ACACA: variants seen among roughly 807,000 people sequenced by gnomAD.
ACACA encodes the protein acetyl-CoA carboxylase alpha, also known as acetyl-CoA carboxylase 1.
In ACACA, 103 loss-of-function variants were observed where a neutral mutation model predicts 296.1. The ratio of observed to expected loss-of-function variants is 0.35; its 90% confidence interval spans 0.30 to 0.41. ACACA has a LOEUF of 0.41. Among genes scored for constraint, ACACA ranks in the 10% least tolerant of loss-of-function variants. The probability of loss-of-function intolerance (pLI) is 1.00; values close to 1 mark genes in which losing one functional copy is unlikely to be tolerated. For missense variants in ACACA, 1,554 were observed against 2,989.7 expected (o/e 0.52, Z 11.20); for synonymous variants, 953 against 1,038.6 (o/e 0.92, Z 1.58).
At chr17:37,153,898 C>T (rs1040601627) in intron 43 of ACACA, among the ~76,000 whole-genome samples, 22 of 152,038 alleles carry the variant, frequency 1.4e-4, no homozygotes, top group African/African-American at 4.3e-4. Context: ...GAAAAACATA[C>T]CCTGTTTCTT....
chr17:37,266,254 A>G (rs966873858), intron 10 of ACACA, among the ~76,000 whole-genome samples: 1 of 151,982 alleles, frequency 6.6e-6, no homozygotes, highest in African/African-American at 2.4e-5. Context: ...TCTCTAGTCA[A>G]AACACAAAAA....
intron 1 of ACACA, among the ~76,000 whole-genome samples, chr17:37,399,082 C>T (rs546931213): frequency 1.3e-3 from 200 of 150,320 alleles, no homozygotes; most frequent in African/African-American, 4.6e-3. Context: ...TGGGTTCAAG[C>T]GATTCTCCTG....
At chr17:37,208,840 A>C (rs1340128561) in intron 30 of ACACA, among the ~76,000 whole-genome samples, 2 of 152,240 alleles carry the variant, frequency 1.3e-5, no homozygotes, top group Non-Finnish European at 2.9e-5. Context: ...GATCTGAAGC[A>C]AGTTCAGGGC....
chr17:37,314,104 CT>C (rs34202919), intron 3 of ACACA, among the ~76,000 whole-genome samples: 155 of 133,966 alleles, frequency 1.2e-3, no homozygotes, highest in Non-Finnish European at 1.0e-3. Flanking sequence ...ACTATATATT[CT>C]TTTTTTTTTT....
chr17:37,161,769 C>G lies in ACACA; in HGVS notation c.5349+12G>C. 6.2e-7 allele frequency: 1 copy of G among 1,608,146 alleles called. No individual in the cohort carries two copies. Among genetic ancestry groups the G allele is most frequent in the South Asian group, 1.1e-5 (1 of 91,086 alleles). On this transcript the variant is annotated intron_variant, in intron 42 of 55. Transcript: ENST00000616317. ...ATAGCACCTTGAAGTAGTATATGCT[C>G]TTAGTGTGTACCTTGTAAGGATCCT... is the stretch of plus-strand genomic sequence containing the variant.
chr17:37,362,070 C>T (rs1597709587), intron 1 of ACACA, among the ~76,000 whole-genome samples: 1 of 152,108 alleles, frequency 6.6e-6, no homozygotes, highest in East Asian at 1.9e-4. Context: ...GACGAGGCGA[C>T]GAGGACACAG....
intron 7 of ACACA, among the ~76,000 whole-genome samples, chr17:37,276,282 A>C (rs1464340990): frequency 1.3e-5 from 2 of 152,170 alleles, no homozygotes; most frequent in Non-Finnish European, 2.9e-5. Context: ...AATATATATA[A>C]ATGTATGCTG....
At chr17:37,121,637 G>C in intron 49 of ACACA, 147 bp from the exon 50 acceptor site, 1 of 1,044,702 alleles carries the variant, frequency 9.6e-7, no homozygotes, top group Non-Finnish European at 1.4e-6. Flanking sequence ...ATCATGTTTG[G>C]AGTAAAAAAG....
chr17:37,317,078 AAAAAAAAG>A (rs202048674), intron 3 of ACACA, among the ~76,000 whole-genome samples: 17,994 of 150,422 alleles, frequency 0.12, 1,569 homozygotes, highest in East Asian at 0.43. Context: ...ACAGAAAAAA[AAAAAAAAG>A]AAAAAAAGAT....
intron 41 of ACACA, among the ~76,000 whole-genome samples, chr17:37,165,536 T>TCTCTC (rs767851212): frequency 2.0e-5 from 3 of 152,144 alleles, no homozygotes; most frequent in Non-Finnish European, 4.4e-5. Context: ...TTTGTCTTTC[T>TCTCTC]CTCTCCTCTC....
At chr17:37,335,587 A>T (rs1010793475) in intron 2 of ACACA, among the ~76,000 whole-genome samples, 29 of 152,244 alleles carry the variant, frequency 1.9e-4, no homozygotes, top group Non-Finnish European at 3.4e-4. Context: ...AGATTTATAC[A>T]ATCATGTCAT....
intron 26 of ACACA, chr17:37,225,388 T>C (rs2079496700): frequency 2.6e-6 from 1 of 384,650 alleles, no homozygotes; most frequent in Non-Finnish European, 4.9e-6. Flanking sequence ...TCCATCAGTG[T>C]ATGTGATTTA....
intron 50 of ACACA, among the ~76,000 whole-genome samples, chr17:37,115,003 C>G (rs886402776): frequency 6.6e-6 from 1 of 152,204 alleles, no homozygotes; most frequent in Non-Finnish European, 1.5e-5. Flanking sequence ...CAGTTCACTG[C>G]AAGGCACATG....
chr17:37,115,652 A>G (rs1334817918), intron 50 of ACACA, among the ~76,000 whole-genome samples: 1 of 152,222 alleles, frequency 6.6e-6, no homozygotes, highest in Non-Finnish European at 1.5e-5. Flanking sequence ...GATTTTATTT[A>G]AAATGTATTT....
At position 37,257,683 on chromosome 17, in the gene ACACA, T is replaced by C; in HGVS notation, c.1826+20A>G. Reference sequence around the variant, plus strand: ...CACAAATTTATTTTGTAAAATGCAATCAAATGCTATTATACTCACGAAATT... The same window carrying C: ...CACAAATTTATTTTGTAAAATGCAACCAAATGCTATTATACTCACGAAATT... On this transcript the variant is annotated intron_variant, in intron 14 of 55. Coordinates refer to ENST00000616317, the MANE Select transcript of ACACA (RefSeq NM_198834.3). The C allele has an allele frequency of 6.2e-7, 1 of 1,612,922 alleles. No individual in the cohort carries two copies.
At chr17:37,262,530 T>C (rs1430996719) in intron 11 of ACACA, among the ~76,000 whole-genome samples, 1 of 152,176 alleles carries the variant, frequency 6.6e-6, no homozygotes, top group African/African-American at 2.4e-5. Context: ...CTGTCACAAC[T>C]ATTCAATTCT....
chr17:37,358,622 A>T (rs1360608236), intron 1 of ACACA, among the ~76,000 whole-genome samples: 1 of 152,144 alleles, frequency 6.6e-6, no homozygotes. Flanking sequence ...TCCCGAGCCC[A>T]GAATCGGATT....
rs781366661 is a variant in ACACA, at chr17:37,188,469, G to A, written c.4584C>T (p.Ser1528=). 2.7e-5 allele frequency: 43 copies of A among 1,612,706 alleles called. 1 individual carries two copies. Among genetic ancestry groups the A allele is most frequent in the South Asian group, 8.8e-5 (8 of 91,016 alleles). The change falls in exon 39 of 56, where the codon TCC becomes TCT. Residue 1528 remains serine, a synonymous_variant. Coordinates refer to ENST00000616317, the MANE Select transcript of ACACA (RefSeq NM_198834.3). ...VIMDPSKIEE[S]VRSMVMRYGS... ...CATACCGCATTACCATGCTCCGCAC[G>A]GATTCCTCAATCTGACACAGACACA...
chr17:37,354,840 G>A (rs969209018), intron 1 of ACACA, among the ~76,000 whole-genome samples: 3 of 152,180 alleles, frequency 2.0e-5, no homozygotes, highest in Non-Finnish European at 4.4e-5. Context: ...GTAAGGTGGA[G>A]GACTGCTTGA....
Sources: allele counts gnomAD v4.1 joint callset (sites outside exome capture counted in the v4.1 genomes callset), GRCh38; gene constraint gnomAD v4.1.1; transcripts MANE v1.5; gene names NCBI Gene and HGNC (gene_info 2026-07-23, HGNC 2026-07-21).